The following ATF6 variants were observed in gnomAD, a reference collection of about 807,000 sequenced individuals.
The protein encoded by ATF6 is activating transcription factor 6, also known as cyclic AMP-dependent transcription factor ATF-6 alpha.
In ATF6, 53 loss-of-function variants were observed where a neutral mutation model predicts 83.6. The observed-to-expected ratio is 0.63, with a 90% CI of 0.51 to 0.80. The LOEUF (loss-of-function observed/expected upper bound fraction) is 0.80, where lower values mean the gene tolerates loss of function less well. Ranked by LOEUF, ATF6 falls within the 30% of genes least tolerant of loss-of-function variation. The probability of loss-of-function intolerance (pLI) is 0.00; values close to 1 mark genes in which losing one functional copy is unlikely to be tolerated. For missense variants in ATF6, 744 were observed against 797.9 expected, an observed-to-expected ratio of 0.93 and a Z score of 0.81; for synonymous variants, 288 against 285.8, an observed-to-expected ratio of 1.01 and a Z score of -0.08.
intron 9 of ATF6, among the ~76,000 whole-genome samples, chr1:161,836,830 G>A (rs1353077732): frequency 6.6e-6 from 1 of 152,178 alleles, no homozygotes; most frequent in African/African-American, 2.4e-5. Flanking sequence ...GGGAAAGGCA[G>A]CTGAAACCAG....
Position 161,819,712 on chromosome 1 carries a change from A to G in ATF6, c.989A>G (p.Tyr330Cys), listed in dbSNP as rs1685703789. ...ACQSRKKKKE[Y>C]MLGLEARLKA... The stretch of plus-strand genomic sequence containing the variant: ...CAGTCTCGCAAGAAGAAGAAAGAAT[A>G]TATGCTAGGGTTAGAGGCGAGATTA... The change falls in exon 8 of 16, where the codon TAT becomes TGT. Residue 330 changes from tyrosine (Y) to cysteine (C), a missense_variant. Physicochemically the swap from Tyr to Cys is radical, Grantham distance 194. Transcript: ENST00000367942. The G allele has an allele frequency of 6.2e-7, 1 of 1,613,346 alleles. No individual in the cohort carries two copies. The highest frequency in any genetic ancestry group is 1.3e-5 in the African/African-American group (1 of 74,842).
At chr1:161,832,649 C>T (rs1480790607) in intron 9 of ATF6, among the ~76,000 whole-genome samples, 1 of 152,252 alleles carries the variant, frequency 6.6e-6, no homozygotes, top group Non-Finnish European at 1.5e-5. Flanking sequence ...CACAGAGCCT[C>T]GCTCATTGCT....
chr1:161,903,909 A>C (rs7516955), intron 14 of ATF6, among the ~76,000 whole-genome samples: 40,083 of 152,098 alleles, frequency 0.26, 8,904 homozygotes, highest in African/African-American at 0.61. Flanking sequence ...ATACTTGTTA[A>C]TAGTGAAAAA....
At chr1:161,878,137 C>T (rs536254994) in intron 14 of ATF6, among the ~76,000 whole-genome samples, 21 of 151,974 alleles carry the variant, frequency 1.4e-4, no homozygotes, top group African/African-American at 4.6e-4. Context: ...TATTTGGAGA[C>T]GAGTCTTATT....
At chr1:161,919,700 AT>A (rs1688164948) in intron 15 of ATF6, among the ~76,000 whole-genome samples, 2 of 152,194 alleles carry the variant, frequency 1.3e-5, no homozygotes, top group Admixed American at 1.3e-4. Context: ...TACATGTGTA[AT>A]AAAAATAAAC....
intron 15 of ATF6, among the ~76,000 whole-genome samples, chr1:161,948,172 G>A (rs1688791920): frequency 6.6e-6 from 1 of 152,126 alleles, no homozygotes; most frequent in South Asian, 2.1e-4. Flanking sequence ...TCATGGCAGA[G>A]CAGTGCCTTA....
chr1:161,957,993 A>G lies in ATF6; in HGVS notation c.1805-453A>G, dbSNP rs74928857. ...AAGCGTACTTGGCCAGGGTCTCCTT[A>G]CCATTCACATGGAATGCTGGTCCTT... is the stretch of plus-strand genomic sequence containing the variant. On this transcript the variant is annotated intron_variant, in intron 15 of 15. Transcript: ENST00000367942. Among the ~76,000 whole-genome samples, 366 of 152,304 alleles carry G rather than the reference A, an allele frequency of 2.4e-3. 2 individuals carry two copies. The highest frequency in any genetic ancestry group is 8.2e-3 in the African/African-American group (340 of 41,564).
intron 15 of ATF6, among the ~76,000 whole-genome samples, chr1:161,933,412 C>T (rs1688473182): frequency 6.6e-6 from 1 of 152,150 alleles, no homozygotes; most frequent in Non-Finnish European, 1.5e-5. Flanking sequence ...CAAGAGACAA[C>T]ATTAAAGTTG....
intron 7 of ATF6, among the ~76,000 whole-genome samples, chr1:161,805,906 A>C (rs561815563): frequency 6.6e-6 from 1 of 151,184 alleles, no homozygotes; most frequent in Non-Finnish European, 1.5e-5. Flanking sequence ...GGCTGGTTTC[A>C]CTCTCCAGAG....
At chr1:161,929,570 A>C (rs1389376465) in intron 15 of ATF6, among the ~76,000 whole-genome samples, 2 of 152,258 alleles carry the variant, frequency 1.3e-5, no homozygotes, top group African/African-American at 4.8e-5. Context: ...GTAGGAGGTC[A>C]GCTCTATCTC....
At position 161,791,550 on chromosome 1, in the gene ATF6, C is replaced by T. The variant is rs1684882610; in HGVS notation, c.484+13C>T. 2 of 1,580,958 alleles carry T rather than the reference C, an allele frequency of 1.3e-6. No individual in the cohort carries two copies. The highest frequency in any genetic ancestry group is 1.7e-6 in the Non-Finnish European group (2 of 1,171,554). On this transcript the variant is annotated intron_variant, in intron 5 of 15. Transcript: ENST00000367942. ...AGGAACAAGACTGGTATTACTCTAT[C>T]TCCTAACTTCTGTTATTTCTATTTC... is the stretch of plus-strand genomic sequence containing the variant.
At chr1:161,852,149 T>A (rs1166529184) in intron 11 of ATF6, among the ~76,000 whole-genome samples, 1 of 152,184 alleles carries the variant, frequency 6.6e-6, no homozygotes, top group Non-Finnish European at 1.5e-5. Context: ...TTTCTTCCAA[T>A]TAGGAAGATA....
chr1:161,853,545 A>G (rs750235706), intron 12 of ATF6, among the ~76,000 whole-genome samples: 1 of 152,210 alleles, frequency 6.6e-6, no homozygotes, highest in Non-Finnish European at 1.5e-5. Context: ...CTGATCAGGC[A>G]TCGTGCTATT....
rs1689021734 is a variant in ATF6, at chr1:161,958,776, AG to A, written c.*124del. 2.6e-5 allele frequency: 21 copies of A among 812,120 alleles called. No individual in the cohort carries two copies. Among genetic ancestry groups the A allele is most frequent in the Admixed American group, 5.9e-5 (2 of 33,698 alleles). 50.3% of individuals were successfully genotyped at this position (812,120 alleles called of 1,614,324 possible). The stretch of plus-strand genomic sequence containing the variant: ...AACTGTCTCGTACTAGAATTCAAGG[AG>A]GAAAGAAGAAGAAATAAAAGAAGCT... On this transcript the variant is annotated 3_prime_UTR_variant, in exon 16 of 16. Transcript: ENST00000367942.
chr1:161,775,937 C>T (rs1557953847), intron 1 of ATF6, among the ~76,000 whole-genome samples: 1 of 151,748 alleles, frequency 6.6e-6, no homozygotes, highest in Non-Finnish European at 1.5e-5. Flanking sequence ...TGTATATATG[C>T]ATAATACAAA....
chr1:161,869,267 AT>A (rs1382892264), intron 14 of ATF6, among the ~76,000 whole-genome samples: 2 of 152,036 alleles, frequency 1.3e-5, no homozygotes, highest in African/African-American at 2.4e-5. Flanking sequence ...TTAGAAATTT[AT>A]GTTTAGTTTA....
intron 6 of ATF6, among the ~76,000 whole-genome samples, chr1:161,795,228 A>G (rs1268705896): frequency 6.6e-6 from 1 of 152,190 alleles, no homozygotes; most frequent in Non-Finnish European, 1.5e-5. Flanking sequence ...AATAACAGTC[A>G]CTGTGATAAC....
At chr1:161,783,096 C>T (rs919452945) in intron 3 of ATF6, among the ~76,000 whole-genome samples, 6 of 152,104 alleles carry the variant, frequency 3.9e-5, no homozygotes, top group East Asian at 1.9e-4. Flanking sequence ...CTTTGTGTGG[C>T]GTGGTGTTCT....
chr1:161,788,551 T>C (rs1482791682), intron 4 of ATF6, among the ~76,000 whole-genome samples: 1 of 152,134 alleles, frequency 6.6e-6, no homozygotes, highest in Non-Finnish European at 1.5e-5. Flanking sequence ...AAATAGTTAA[T>C]TTTCAATTAC....
Sources: allele counts gnomAD v4.1 joint callset (sites outside exome capture counted in the v4.1 genomes callset), GRCh38; gene constraint gnomAD v4.1.1; transcripts MANE v1.5; gene names NCBI Gene and HGNC (gene_info 2026-07-23, HGNC 2026-07-21).